The following FAM13B variants were observed in gnomAD, a reference collection of about 807,000 sequenced individuals.
The protein encoded by FAM13B is family with sequence similarity 13 member B, also known as protein FAM13B.
Under a neutral mutation model 117.3 loss-of-function variants are expected in FAM13B, and 60 were observed. The ratio of observed to expected loss-of-function variants is 0.51; its 90% confidence interval spans 0.42 to 0.63. The LOEUF is 0.63. FAM13B is among the 30% of genes least tolerant of loss of function. The pLI, the probability that FAM13B is intolerant of heterozygous loss-of-function variation, is 0.00. For synonymous variants in FAM13B, 332 were observed against 356.1 expected, an observed-to-expected ratio of 0.93 and a Z score of 0.76; for missense variants, 972 against 1,091.9, an observed-to-expected ratio of 0.89 and a Z score of 1.55.
rs184817108 is a variant in FAM13B, at chr5:137,980,494, G to A, written c.1179+4763C>T. On this transcript the variant is annotated intron_variant, in intron 10 of 23. Coordinates refer to ENST00000689681, the MANE Select transcript of FAM13B (RefSeq NM_001385994.1). ...GTCTCACTCTGTCACCCAGGCTGCA[G>A]TGCAGTGGCACGATCTCAGCTCACT... Among the ~76,000 whole-genome samples the A allele has an allele frequency of 1.5e-3, 207 of 139,088 alleles. 3 individuals are homozygous for A. The highest frequency in any genetic ancestry group is 3.5e-4 in the Non-Finnish European group (23 of 66,290). 91.2% of individuals were successfully genotyped at this position (139,088 alleles called of 152,430 possible). A position where few individuals can be genotyped will look rare whatever the true frequency, so the allele number is the denominator to read the frequency against.
At chr5:138,048,757 T>C (rs1791712117) in intron 1 of FAM13B, among the ~76,000 whole-genome samples, 1 of 152,162 alleles carries the variant, frequency 6.6e-6, no homozygotes, top group Non-Finnish European at 1.5e-5. Flanking sequence ...TTTTGCAAAT[T>C]GTATATATGC....
intron 1 of FAM13B, among the ~76,000 whole-genome samples, chr5:138,021,912 T>C (rs552622925): frequency 8.5e-4 from 128 of 150,440 alleles, no homozygotes; most frequent in Non-Finnish European, 1.4e-3. Context: ...AGCCCAGGAG[T>C]TTGAGACCAG....
intron 13 of FAM13B, among the ~76,000 whole-genome samples, chr5:137,958,590 C>T (rs950350943): frequency 3.3e-5 from 5 of 152,216 alleles, no homozygotes; most frequent in Non-Finnish European, 5.9e-5. Flanking sequence ...AAAGGTGAGA[C>T]AACCCAGGGA....
chr5:138,019,237 A>C, intron 2 of FAM13B, 91 bp from the exon 3 acceptor site: 1 of 1,082,628 alleles, frequency 9.2e-7, no homozygotes, highest in Non-Finnish European at 1.3e-6. Flanking sequence ...TTACACCTGA[A>C]TGTGTTCTCA....
intron 11 of FAM13B, 77 bp downstream of exon 11, chr5:137,962,328 T>TA (rs915461700): frequency 1.2e-4 from 145 of 1,252,700 alleles, no homozygotes; most frequent in Non-Finnish European, 1.4e-4. Context: ...GACATTCATC[T>TA]AAAAAAATCA....
chr5:137,996,592 T>C (rs953042682), intron 7 of FAM13B, among the ~76,000 whole-genome samples: 9 of 152,116 alleles, frequency 5.9e-5, no homozygotes, highest in Non-Finnish European at 1.5e-5. Flanking sequence ...TTTCAATTTT[T>C]CATCTTTCTT....
intron 10 of FAM13B, among the ~76,000 whole-genome samples, chr5:137,981,077 AT>A (rs56799832): frequency 0.2 from 11,823 of 60,476 alleles, 1,034 homozygotes; most frequent in East Asian, 0.32. Context: ...ACACCTGGCT[AT>A]TTTTTTTTTT....
chr5:138,020,874 A>T (rs568519748), intron 2 of FAM13B, 157 bp downstream of exon 2: 2 of 412,868 alleles, frequency 4.8e-6, no homozygotes, highest in South Asian at 2.6e-4. Flanking sequence ...CCATACATTT[A>T]CATAGTCTCA....
intron 10 of FAM13B, among the ~76,000 whole-genome samples, chr5:137,968,530 C>G (rs1396129459): frequency 3.3e-5 from 5 of 151,900 alleles, no homozygotes; most frequent in African/African-American, 1.2e-4. Context: ...CCTAGTACTA[C>G]AGTTTATGTA....
intron 10 of FAM13B, among the ~76,000 whole-genome samples, chr5:137,979,806 G>A (rs949781933): frequency 6.6e-6 from 1 of 152,014 alleles, no homozygotes; most frequent in African/African-American, 2.4e-5. Context: ...TGCCCTAATA[G>A]CACTAGTCAT....
intron 15 of FAM13B, 125 bp downstream of exon 15, chr5:137,954,041 C>CTTTTTTTTT: frequency 2.6e-6 from 1 of 388,206 alleles, no homozygotes; most frequent in Non-Finnish European, 4.6e-6. Flanking sequence ...CAATCTCTCT[C>CTTTTTTTTT]TTTTTTTTTT....
At chr5:138,004,864 C>A (rs368542065) in intron 7 of FAM13B, among the ~76,000 whole-genome samples, 20 of 151,980 alleles carry the variant, frequency 1.3e-4, no homozygotes, top group African/African-American at 4.6e-4. Context: ...GATGACAGAG[C>A]GAGAGACCCT....
chr5:138,016,631 C>CA lies in FAM13B; in HGVS notation c.370+1670dup, dbSNP rs554889955. Among the ~76,000 whole-genome samples the CA allele has an allele frequency of 1.4e-4, 22 of 152,010 alleles. No individual in the cohort carries two copies. In the South Asian group the frequency reaches 4.2e-3, roughly 29 times the overall value. ...CCTGGGCGACAGAGCAAGGACATTTCAAAAAAACAACAACAACGAATAAAT... is the reference window on the plus strand; with the variant it reads ...CCTGGGCGACAGAGCAAGGACATTTCAAAAAAAACAACAACAACGAATAAAT... On this transcript the variant is annotated intron_variant, in intron 4 of 23. Coordinates refer to ENST00000689681, the MANE Select transcript of FAM13B (RefSeq NM_001385994.1).
Position 137,959,686 on chromosome 5 carries a change from T to C in FAM13B, c.1371A>G (p.Gln457=). The change falls in exon 13 of 24, where the codon CAA becomes CAG. Residue 457 remains glutamine, a synonymous_variant. Coordinates refer to ENST00000689681, the MANE Select transcript of FAM13B (RefSeq NM_001385994.1). ...GAATACTGACACACGCTGCTTCCCC[T>C]TGAACACCAACACTCTGACCTCCTG... ...EVPGGQSVGV[Q]GEAACVSIPH... 1 of 1,614,010 alleles carries C rather than the reference T, an allele frequency of 6.2e-7. No individual in the cohort carries two copies. Among genetic ancestry groups the C allele is most frequent in the Non-Finnish European group, 8.5e-7 (1 of 1,179,870 alleles).
chr5:138,018,516 T>C lies in FAM13B; in HGVS notation c.158-2A>G, dbSNP rs1785806217. 6.2e-7 allele frequency: 1 copy of C among 1,613,554 alleles called. No homozygotes were observed. ...AAAGTCCTTGTTGCTCCAGACCTCC[T>C]ACGTTAGTTCAAGGCAATCATTCAA... On this transcript the variant is annotated splice_acceptor_variant, in intron 3 of 23. Transcript: ENST00000689681. LOFTEE classifies it high-confidence loss of function.
chr5:137,988,000 T>C (rs1461849346), intron 8 of FAM13B, among the ~76,000 whole-genome samples: 1 of 152,230 alleles, frequency 6.6e-6, no homozygotes, highest in African/African-American at 2.4e-5. Flanking sequence ...ACTTCTTATG[T>C]AAAGTCTACT....
chr5:138,020,721 A>G (rs560872957), intron 2 of FAM13B: 47 of 159,992 alleles, frequency 2.9e-4, no homozygotes, highest in African/African-American at 1.0e-3. Flanking sequence ...AATCACAAAA[A>G]TAAGTCTACT....
At chr5:138,011,592 T>TC (rs1284644890) in intron 5 of FAM13B, among the ~76,000 whole-genome samples, 176 bp downstream of exon 5, 1 of 151,988 alleles carries the variant, frequency 6.6e-6, no homozygotes, top group African/African-American at 2.4e-5. Context: ...GCTAGTTTTT[T>TC]TATTTTTAGT....
At chr5:137,996,535 T>A (rs976779847) in intron 7 of FAM13B, among the ~76,000 whole-genome samples, 1 of 152,124 alleles carries the variant, frequency 6.6e-6, no homozygotes, top group African/African-American at 2.4e-5. Context: ...CAGAAACCAA[T>A]GAACTCACAA....
Sources: allele counts gnomAD v4.1 joint callset (sites outside exome capture counted in the v4.1 genomes callset), GRCh38; gene constraint gnomAD v4.1.1; transcripts MANE v1.5; gene names NCBI Gene and HGNC (gene_info 2026-07-23, HGNC 2026-07-21).